Variants in NELL1 observed in about 807,000 individuals in gnomAD.
The protein encoded by NELL1 is protein kinase C-binding protein NELL1.
A neutral mutation model predicts 107.4 loss-of-function variants in NELL1; 76 were observed. That is an observed-to-expected ratio of 0.71 (90% CI 0.59 to 0.86). The LOEUF (loss-of-function observed/expected upper bound fraction) is 0.86, where lower values mean the gene tolerates loss of function less well. Ranked by LOEUF, NELL1 falls within the 40% of genes least tolerant of loss-of-function variation. The probability of loss-of-function intolerance (pLI) is 0.00; values close to 1 mark genes in which losing one functional copy is unlikely to be tolerated. For synonymous variants in NELL1, 353 were observed against 341.2 expected (o/e 1.03, Z -0.38); for missense variants, 1,024 against 1,005.5 (o/e 1.02, Z -0.25).
At chr11:20,720,502 C>T (rs1426250593) in intron 2 of NELL1, among the ~76,000 whole-genome samples, 6 of 152,102 alleles carry the variant, frequency 3.9e-5, no homozygotes, top group Admixed American at 2.0e-4. Context: ...CCACTGTGCC[C>T]AGCCTCTTTT....
intron 2 of NELL1, among the ~76,000 whole-genome samples, chr11:20,695,231 A>T (rs915585075): frequency 6.6e-6 from 1 of 152,128 alleles, no homozygotes; most frequent in Non-Finnish European, 1.5e-5. Context: ...GAATCATATC[A>T]TCAGTGAAGA....
chr11:20,742,538 A>G (rs2133935401), intron 2 of NELL1, among the ~76,000 whole-genome samples: 1 of 152,318 alleles, frequency 6.6e-6, no homozygotes, highest in East Asian at 1.9e-4. Context: ...ATAGACTCAC[A>G]GTTCCATGTG....
chr11:21,243,149 G>A (rs990607158), intron 14 of NELL1, among the ~76,000 whole-genome samples: 2 of 151,852 alleles, frequency 1.3e-5, no homozygotes, highest in African/African-American at 4.8e-5. Flanking sequence ...TACTAGGCAG[G>A]GATATGGCAA....
At chr11:21,383,830 T>G (rs1431468697) in intron 15 of NELL1, 1 of 151,748 alleles carries the variant, frequency 6.6e-6, no homozygotes, top group Non-Finnish European at 1.5e-5. Context: ...TACTAACTAA[T>G]CAGTACCAAC....
At chr11:21,077,418 A>G (rs1333064923) in intron 12 of NELL1, among the ~76,000 whole-genome samples, 4 of 152,210 alleles carry the variant, frequency 2.6e-5, no homozygotes, top group African/African-American at 4.8e-5. Flanking sequence ...ACTGAGAGGA[A>G]GAAACCACCA....
chr11:21,477,486 T>C (rs1854366412), intron 15 of NELL1, among the ~76,000 whole-genome samples: 1 of 152,134 alleles, frequency 6.6e-6, no homozygotes, highest in African/African-American at 2.4e-5. Flanking sequence ...TTACTGGGTT[T>C]AGAGTGCCTA....
intron 12 of NELL1, among the ~76,000 whole-genome samples, chr11:21,021,481 C>T (rs79158717): frequency 0.065 from 9,874 of 152,158 alleles, 435 homozygotes; most frequent in South Asian, 0.17. Context: ...AAACATTAAA[C>T]TTATTTTCAT....
chr11:21,138,530 C>G (rs998761625), intron 13 of NELL1, among the ~76,000 whole-genome samples: 5 of 152,082 alleles, frequency 3.3e-5, no homozygotes, highest in African/African-American at 7.2e-5. Context: ...GTGAATTTTT[C>G]TCCTGAAAAC....
intron 13 of NELL1, among the ~76,000 whole-genome samples, chr11:21,202,839 G>A (rs1422248508): frequency 1.3e-5 from 2 of 151,898 alleles, no homozygotes; most frequent in Non-Finnish European, 2.9e-5. Context: ...TGTTCTTATT[G>A]GTTTCAAAGA....
chr11:20,674,462 T>G (rs1165887218), intron 1 of NELL1: 1 of 1,531,646 alleles, frequency 6.5e-7, no homozygotes, highest in Non-Finnish European at 8.7e-7. Context: ...TTACACACGG[T>G]AACCCAAAAC....
intron 14 of NELL1, among the ~76,000 whole-genome samples, chr11:21,280,848 G>A (rs1368938056): frequency 6.6e-6 from 1 of 152,054 alleles, no homozygotes; most frequent in Admixed American, 6.5e-5. Flanking sequence ...CATTATTTAA[G>A]GTTCCAAAGC....
intron 3 of NELL1, among the ~76,000 whole-genome samples, chr11:20,818,759 C>T (rs1390602260): frequency 6.6e-6 from 1 of 152,110 alleles, no homozygotes; most frequent in Non-Finnish European, 1.5e-5. Context: ...ATGTAAGCCG[C>T]CCTTAGAAAA....
chr11:21,378,186 A>G (rs1242035159), intron 15 of NELL1, among the ~76,000 whole-genome samples: 1 of 151,592 alleles, frequency 6.6e-6, no homozygotes, highest in Admixed American at 6.6e-5. Flanking sequence ...CCCCTGGGAG[A>G]CAAAATTTCA....
chr11:21,112,042 G>A (rs574903164), intron 12 of NELL1, among the ~76,000 whole-genome samples: 2 of 152,050 alleles, frequency 1.3e-5, no homozygotes, highest in Admixed American at 6.5e-5. Flanking sequence ...TGGTCTGACT[G>A]TAATAATTCC....
intron 10 of NELL1, among the ~76,000 whole-genome samples, chr11:20,945,722 T>C (rs965602611): frequency 3.3e-5 from 5 of 152,226 alleles, no homozygotes; most frequent in Non-Finnish European, 5.9e-5. Context: ...TTTGATTCCC[T>C]GTTGTAGAAA....
intron 2 of NELL1, among the ~76,000 whole-genome samples, chr11:20,773,317 G>C (rs1320227038): frequency 6.6e-6 from 1 of 152,132 alleles, no homozygotes; most frequent in Non-Finnish European, 1.5e-5. Context: ...CAGATGTCAT[G>C]TGCTGCTTAT....
intron 14 of NELL1, among the ~76,000 whole-genome samples, chr11:21,253,326 C>A (rs150271401): frequency 2.3e-3 from 345 of 152,096 alleles, no homozygotes; most frequent in African/African-American, 8.0e-3. Flanking sequence ...GCTGTATATA[C>A]TAATACTGTA....
chr11:21,374,057 T>G (rs138630421), intron 15 of NELL1, among the ~76,000 whole-genome samples: 1 of 152,032 alleles, frequency 6.6e-6, no homozygotes, highest in Admixed American at 6.6e-5. Context: ...TAGAGAATTT[T>G]CACATGTAAA....
intron 12 of NELL1, among the ~76,000 whole-genome samples, chr11:20,999,840 G>A (rs1852176283): frequency 6.6e-6 from 1 of 152,082 alleles, no homozygotes; most frequent in Admixed American, 6.5e-5. Context: ...GTCAATTAAG[G>A]TAGCTTCTGT....
Sources: gnomAD v4.1 joint callset for allele counts (sites outside exome capture counted in the v4.1 genomes callset) on GRCh38, gnomAD v4.1.1 for gene constraint, MANE v1.5 for transcripts, NCBI Gene and HGNC (gene_info 2026-07-23, HGNC 2026-07-21) for gene names.